The following ERMAP variants were observed in gnomAD, a reference collection of about 807,000 sequenced individuals.
ERMAP encodes erythroid membrane-associated protein.
In ERMAP, 34 loss-of-function variants were observed where a neutral mutation model predicts 49.5. The observed-to-expected ratio is 0.69, with a 90% CI of 0.52 to 0.91. The LOEUF (loss-of-function observed/expected upper bound fraction) is 0.91, where lower values mean the gene tolerates loss of function less well. Ranked by LOEUF, ERMAP falls within the 40% of genes least tolerant of loss-of-function variation. The pLI is 0.00. For missense variants in ERMAP, 541 were observed against 582.6 expected (o/e 0.93, Z 0.74); for synonymous variants, 214 against 232.2 (o/e 0.92, Z 0.71).
Position 42,817,224 on chromosome 1 carries a change from CG to C in ERMAP, c.-150del. The C allele has an allele frequency of 1.6e-6, 2 of 1,256,124 alleles. No individual in the cohort carries two copies. The highest frequency in any genetic ancestry group is 1.3e-5 in the South Asian group (1 of 77,296). The allele number at this position is 1,256,124 out of a possible 1,614,324, so 77.8% of individuals were successfully genotyped here. On this transcript the variant is annotated 5_prime_UTR_variant, in exon 1 of 12. The change abolishes the stop of an existing upstream ORF in the 5' untranslated region. Transcript: ENST00000372517. ...CCGGGCCACTGGAAGTTGGAGCCTC[CG>C]CCGAGTCGCAGACAACGCCTCCGGG...
chr1:42,832,374 TC>T (rs1245842943), intron 4 of ERMAP, among the ~76,000 whole-genome samples: 14 of 151,596 alleles, frequency 9.2e-5, no homozygotes, highest in Non-Finnish European at 1.5e-4. Context: ...TTTTCTTTTT[TC>T]TTTTTTTTGG....
Position 42,828,498 on chromosome 1 carries a change from A to AAT in ERMAP, c.-5-1946_-5-1945insAT, listed in dbSNP as rs1553149449. Among the ~76,000 whole-genome samples, 151 of 142,064 alleles carry AAT rather than the reference A, an allele frequency of 1.1e-3. 2 individuals carry two copies. The South Asian group carries it at 0.015, about 14-fold the overall frequency. The allele number at this position is 142,064 out of a possible 152,430, so 93.2% of individuals were successfully genotyped here. A position where few individuals can be genotyped will look rare whatever the true frequency, so the allele number is the denominator to read the frequency against. On this transcript the variant is annotated intron_variant, in intron 2 of 11. Coordinates refer to ENST00000372517, the MANE Select transcript of ERMAP (RefSeq NM_001017922.2). ...TAGAGCTCATTCTTTTTTTAAAAAA[A>AAT]TTTTTTTTTTTTTTTGAGACAAGGT...
chr1:42,817,760 C>T (rs1164056726), intron 1 of ERMAP: 1 of 152,176 alleles, frequency 6.6e-6, no homozygotes, highest in Non-Finnish European at 1.5e-5. Context: ...AGAACATTCA[C>T]GTTCAACTGA....
In ERMAP at chr1:42,830,836, C is replaced by T; in HGVS notation, c.154C>T (p.Leu52Phe). ...LGGTAELLCP[L>F]SLWPGTVPKE... is the part of the protein sequence containing the mutation. ...GGGCACAGCCGAGCTGCTCTGCCCT[C>T]TCTCCCTCTGGCCCGGGACGGTACC... is the stretch of plus-strand genomic sequence containing the variant. The change falls in exon 4 of 12, where the codon CTC becomes TTC. Residue 52 changes from leucine (L) to phenylalanine (F), a missense_variant. Coordinates refer to ENST00000372517, the MANE Select transcript of ERMAP (RefSeq NM_001017922.2). 2 of 1,600,560 alleles carry T rather than the reference C, an allele frequency of 1.2e-6. No individual in the cohort carries two copies. Among genetic ancestry groups the T allele is most frequent in the African/African-American group, 1.3e-5 (1 of 74,664 alleles).
At chr1:42,830,311 G>A in intron 2 of ERMAP, 133 bp from the exon 3 acceptor site, 1 of 702,142 alleles carries the variant, frequency 1.4e-6, no homozygotes, top group Non-Finnish European at 2.5e-6. Flanking sequence ...AAGTAGCAGA[G>A]CTGGGATTGG....
At chr1:42,830,114 C>T (rs1321863404) in intron 2 of ERMAP, 2 of 275,452 alleles carry the variant, frequency 7.3e-6, no homozygotes, top group Admixed American at 4.6e-5. Context: ...TCTGGATCCT[C>T]ACTCATCTCA....
intron 4 of ERMAP, among the ~76,000 whole-genome samples, chr1:42,832,401 C>G (rs1654771808): frequency 6.6e-6 from 1 of 151,220 alleles, no homozygotes; most frequent in Admixed American, 6.6e-5. Flanking sequence ...GAGTTTCACT[C>G]TTGTTGCCCA....
Position 42,831,062 on chromosome 1 carries a change from T to C in ERMAP, c.380T>C (p.Leu127Pro). 1 of 1,614,258 alleles carries C rather than the reference T, an allele frequency of 6.2e-7. No homozygotes were observed. Among genetic ancestry groups the C allele is most frequent in the African/African-American group, 1.3e-5 (1 of 75,070 alleles). Reference protein sequence around the residue: ...RLEDQGSYRCLIQVGNLSKED... With the variant: ...RLEDQGSYRCPIQVGNLSKED... ...GAGGACCAAGGGTCTTACCGATGTC[T>C]GATCCAAGTTGGAAATCTGAGTAAA... Residue 127 changes from leucine to proline, a missense_variant, in exon 4 of 12, where the codon CTG becomes CCG. Leu to Pro is a moderately conservative substitution (Grantham distance 98). Transcript: ENST00000372517.
intron 4 of ERMAP, 32 bp downstream of exon 4, chr1:42,831,147 T>C: frequency 6.2e-7 from 1 of 1,600,854 alleles, no homozygotes; most frequent in African/African-American, 1.3e-5. Flanking sequence ...CCAGGGTCAT[T>C]TGTGGCAATT....
Position 42,843,464 on chromosome 1 carries a change from A to T in ERMAP, c.*232A>T. ...GAGGGAGGATTCCTGGAAACCAAAC[A>T]ATCAGTTTAGGTGCAGGTGGAGATG... On this transcript the variant is annotated 3_prime_UTR_variant, in exon 12 of 12. Coordinates refer to ENST00000372517, the MANE Select transcript of ERMAP (RefSeq NM_001017922.2). The T allele has an allele frequency of 2.2e-6, 1 of 445,596 alleles. No individual in the cohort carries two copies. Among genetic ancestry groups the T allele is most frequent in the Non-Finnish European group, 3.9e-6 (1 of 253,852 alleles). The allele number at this position is 445,596 out of a possible 1,614,324, so 27.6% of individuals were successfully genotyped here.
intron 1 of ERMAP, 65 bp downstream of exon 1, chr1:42,817,318 C>T: frequency 8.9e-7 from 1 of 1,129,146 alleles, no homozygotes; most frequent in Non-Finnish European, 1.1e-6. Context: ...TCGTCCTGGG[C>T]GGGGCCGCGC....
intron 1 of ERMAP, 104 bp downstream of exon 1, chr1:42,817,357 C>T (rs917026107): frequency 1.3e-6 from 1 of 742,420 alleles, no homozygotes; most frequent in African/African-American, 1.9e-5. Flanking sequence ...GGGCCGAGCG[C>T]CAGGAGGCTT....
rs776207790 is a variant in ERMAP at position 42,840,308 on chromosome 1, C to G, written c.712+12C>G. The G allele has an allele frequency of 1.2e-6, 2 of 1,614,054 alleles. No individual in the cohort carries two copies. The highest frequency in any genetic ancestry group is 1.7e-6 in the Non-Finnish European group (2 of 1,179,980). On this transcript the variant is annotated intron_variant, in intron 11 of 11. Transcript: ENST00000372517. Reference sequence around the variant, plus strand: ...CCGGTTGCATTTTGGTAAGTTATACCAATCAAATAGGTCCATATCTCAGAG... The same window carrying G: ...CCGGTTGCATTTTGGTAAGTTATACGAATCAAATAGGTCCATATCTCAGAG...
intron 1 of ERMAP, among the ~76,000 whole-genome samples, chr1:42,820,044 T>C (rs553785114): frequency 7.9e-5 from 12 of 152,346 alleles, no homozygotes; most frequent in Non-Finnish European, 1.5e-4. Flanking sequence ...TGTCTAAAAA[T>C]GGCTTTATTT....
chr1:42,834,425 C>T lies in ERMAP; in HGVS notation c.434-613C>T, dbSNP rs185097753. On this transcript the variant is annotated intron_variant, in intron 4 of 11. Coordinates refer to ENST00000372517, the MANE Select transcript of ERMAP (RefSeq NM_001017922.2). The stretch of plus-strand genomic sequence containing the variant: ...GAGTGCCTTCAGTCCTCTGAAGTCC[C>T]GGGCTTATTTTTCCATTGAATTATA... Among the ~76,000 whole-genome samples, 7 of 152,220 alleles carry T rather than the reference C, an allele frequency of 4.6e-5. No individual in the cohort carries two copies. The East Asian group carries it at 1.2e-3, about 25-fold the overall frequency.
At chr1:42,838,557 C>A (rs1654968196) in intron 7 of ERMAP, among the ~76,000 whole-genome samples, 1 of 152,188 alleles carries the variant, frequency 6.6e-6, no homozygotes, top group South Asian at 2.1e-4. Flanking sequence ...ACCTTAGATA[C>A]CATAAACGGT....
intron 7 of ERMAP, chr1:42,837,829 A>T (rs965291828): frequency 6.6e-6 from 1 of 152,390 alleles, no homozygotes; most frequent in African/African-American, 2.4e-5. Context: ...AAGACAAGTC[A>T]CTGGCTCAGA....
intron 1 of ERMAP, among the ~76,000 whole-genome samples, chr1:42,822,408 T>C (rs939326060): frequency 2.6e-5 from 4 of 152,200 alleles, no homozygotes; most frequent in Non-Finnish European, 5.9e-5. Flanking sequence ...GGTCTTGAAC[T>C]CCTGAACTCA....
At chr1:42,820,552 A>G (rs1365872031) in intron 1 of ERMAP, among the ~76,000 whole-genome samples, 2 of 151,648 alleles carry the variant, frequency 1.3e-5, no homozygotes, top group South Asian at 2.1e-4. Flanking sequence ...ATTTTTCTTC[A>G]TGTTCCATTT....
Sources: allele counts gnomAD v4.1 joint callset (sites outside exome capture counted in the v4.1 genomes callset), GRCh38; gene constraint gnomAD v4.1.1; transcripts MANE v1.5; gene names NCBI Gene and HGNC (gene_info 2026-07-23, HGNC 2026-07-21).